The following GRIN3A variants were observed in gnomAD, a reference collection of about 807,000 sequenced individuals.
The protein encoded by GRIN3A is glutamate ionotropic receptor NMDA type subunit 3A, also known as glutamate receptor ionotropic, NMDA 3A.
Under a neutral mutation model 92.4 loss-of-function variants are expected in GRIN3A, and 47 were observed. The observed-to-expected ratio is 0.51, with a 90% CI of 0.40 to 0.65. GRIN3A has a LOEUF of 0.65. Ranked by LOEUF, GRIN3A falls within the 30% of genes least tolerant of loss-of-function variation. The pLI is 0.00. For missense variants in GRIN3A, 1,324 were observed against 1,393.1 expected (o/e 0.95, Z 0.79); for synonymous variants, 527 against 540.6 (o/e 0.97, Z 0.35).
At chr9:101,575,944 A>G (rs576131964) in intron 8 of GRIN3A, among the ~76,000 whole-genome samples, 1 of 152,322 alleles carries the variant, frequency 6.6e-6, no homozygotes, top group African/African-American at 2.4e-5. Context: ...ATCTGGTAAT[A>G]TAATATAGAA....
intron 4 of GRIN3A, 126 bp downstream of exon 4, chr9:101,628,130 G>C: frequency 3.6e-6 from 3 of 842,680 alleles, no homozygotes; most frequent in Non-Finnish European, 5.8e-6. Context: ...ACAGTGTAAA[G>C]TATTACTTAA....
chr9:101,713,878 C>A (rs1829911659), intron 1 of GRIN3A, among the ~76,000 whole-genome samples: 1 of 151,998 alleles, frequency 6.6e-6, no homozygotes, highest in Admixed American at 6.6e-5. Context: ...GAGTTCAAGA[C>A]CAGACTGGGC....
intron 2 of GRIN3A, among the ~76,000 whole-genome samples, chr9:101,683,973 CT>C (rs1829497435): frequency 6.6e-6 from 1 of 152,280 alleles, no homozygotes; most frequent in South Asian, 2.1e-4. Context: ...CTATCCATTT[CT>C]TCTACAGCAA....
At chr9:101,671,614 A>G (rs1443901576) in intron 2 of GRIN3A, among the ~76,000 whole-genome samples, 1 of 152,198 alleles carries the variant, frequency 6.6e-6, no homozygotes, top group Admixed American at 6.6e-5. Context: ...TTGCTTAAAC[A>G]CTGCATTCAT....
intron 8 of GRIN3A, among the ~76,000 whole-genome samples, chr9:101,574,847 T>C (rs1010949124): frequency 6.6e-6 from 1 of 152,328 alleles, no homozygotes; most frequent in Non-Finnish European, 1.5e-5. Context: ...AAGTCCAGAA[T>C]GGCCTGCTGC....
At chr9:101,707,224 T>C (rs1829824671) in intron 1 of GRIN3A, among the ~76,000 whole-genome samples, 3 of 152,216 alleles carry the variant, frequency 2.0e-5, no homozygotes, top group Non-Finnish European at 4.4e-5. Context: ...AGCCCCAGGG[T>C]TGTAGCTACA....
At chr9:101,723,037 C>G (rs1297898486) in intron 1 of GRIN3A, among the ~76,000 whole-genome samples, 2 of 152,142 alleles carry the variant, frequency 1.3e-5, no homozygotes, top group Admixed American at 6.5e-5. Context: ...TTGTATCTTC[C>G]TGGATTCCCA....
chr9:101,629,957 C>T (rs1033773489), intron 3 of GRIN3A, among the ~76,000 whole-genome samples: 5 of 152,150 alleles, frequency 3.3e-5, no homozygotes, highest in African/African-American at 7.2e-5. Context: ...ACAACTGAAG[C>T]GATGATGTTT....
At chr9:101,725,840 G>A (rs1214793984) in intron 1 of GRIN3A, among the ~76,000 whole-genome samples, 1 of 152,046 alleles carries the variant, frequency 6.6e-6, no homozygotes, top group African/African-American at 2.4e-5. Context: ...AGATTTTATG[G>A]GTCACTCCTT....
Position 101,572,847 on chromosome 9 carries a change from A to G in GRIN3A, c.*327T>C, listed in dbSNP as rs1827777826. On this transcript the variant is annotated 3_prime_UTR_variant, in exon 9 of 9. Transcript: ENST00000361820. ...TATCTCTTGTTGGTAGTGCAGAGAA[A>G]GGGCTAAAAACCAGAAATATTACTG... 1 of 337,460 alleles carries G rather than the reference A, an allele frequency of 3.0e-6. No homozygotes were observed. Among genetic ancestry groups the G allele is most frequent in the Non-Finnish European group, 5.7e-6 (1 of 175,814 alleles). The allele number at this position is 337,460 out of a possible 1,614,324, so 20.9% of individuals were successfully genotyped here. A position where few individuals can be genotyped will look rare whatever the true frequency, so the allele number is the denominator to read the frequency against.
intron 2 of GRIN3A, among the ~76,000 whole-genome samples, chr9:101,680,857 G>C (rs1353823589): frequency 6.6e-6 from 1 of 152,174 alleles, no homozygotes. Context: ...AAGGGATACA[G>C]AACAGAACTG....
chr9:101,683,190 G>C (rs1829484784), intron 2 of GRIN3A, among the ~76,000 whole-genome samples: 1 of 152,106 alleles, frequency 6.6e-6, no homozygotes, highest in South Asian at 2.1e-4. Context: ...TTTCTAATCT[G>C]AAAGCCTAGC....
Position 101,670,065 on chromosome 9 carries a change from G to T in GRIN3A, c.2347C>A (p.Pro783Thr). 6.2e-7 allele frequency: 1 copy of T among 1,606,730 alleles called. No individual in the cohort carries two copies. The highest frequency in any genetic ancestry group is 8.5e-7 in the Non-Finnish European group (1 of 1,173,504). ...IYEELSGIHD[P>T]KLHHPSQGFR... ...AAAGTAAAATGAAGTATTACCTTGG[G>T]GTCATGTATTCCAGAAAGCTCTTCA... The change falls in exon 3 of 9, where the codon CCC (proline) becomes ACC (threonine). Residue 783 changes from proline to threonine, a missense_variant. Physicochemically the swap from Pro to Thr is conservative, Grantham distance 38. Coordinates refer to ENST00000361820, the MANE Select transcript of GRIN3A (RefSeq NM_133445.3).
chr9:101,729,064 G>A (rs369435431), intron 1 of GRIN3A, among the ~76,000 whole-genome samples: 2 of 152,156 alleles, frequency 1.3e-5, no homozygotes, highest in Non-Finnish European at 2.9e-5. Flanking sequence ...CAACTGGGTT[G>A]TACTTAGCAG....
At chr9:101,714,002 G>C (rs1315628286) in intron 1 of GRIN3A, among the ~76,000 whole-genome samples, 1 of 152,162 alleles carries the variant, frequency 6.6e-6, no homozygotes, top group Non-Finnish European at 1.5e-5. Flanking sequence ...ACTCCAGTCT[G>C]TGCAACAGAG....
At chr9:101,677,972 G>T (rs930428587) in intron 2 of GRIN3A, among the ~76,000 whole-genome samples, 2 of 152,102 alleles carry the variant, frequency 1.3e-5, no homozygotes, top group African/African-American at 4.8e-5. Context: ...ACCTACTCCA[G>T]ATTTGGAGAG....
At chr9:101,729,127 G>C (rs911055506) in intron 1 of GRIN3A, among the ~76,000 whole-genome samples, 14 of 152,172 alleles carry the variant, frequency 9.2e-5, no homozygotes, top group Admixed American at 8.5e-4. Context: ...CAGATGCAAA[G>C]TGTATAAGCT....
intron 2 of GRIN3A, among the ~76,000 whole-genome samples, chr9:101,676,870 T>A (rs1458670238): frequency 1.3e-5 from 2 of 151,890 alleles, no homozygotes; most frequent in Non-Finnish European, 2.9e-5. Context: ...TTCCTTTTTT[T>A]TTTTCTGTGA....
chr9:101,662,993 G>T (rs984689215), intron 3 of GRIN3A, among the ~76,000 whole-genome samples: 1 of 151,746 alleles, frequency 6.6e-6, no homozygotes, highest in Non-Finnish European at 1.5e-5. Context: ...GGTTTATCTA[G>T]AATGTCTAGT....
Sources: allele counts gnomAD v4.1 joint callset (sites outside exome capture counted in the v4.1 genomes callset), GRCh38; gene constraint gnomAD v4.1.1; transcripts MANE v1.5; gene names NCBI Gene and HGNC (gene_info 2026-07-23, HGNC 2026-07-21).